The following COX6B2 variants were observed in gnomAD, a reference collection of about 807,000 sequenced individuals.
COX6B2 encodes the protein COX VIb-2.
COX6B2 carries 12 observed loss-of-function variants against 13.7 expected under a neutral mutation model. The observed-to-expected ratio is 0.87, with a 90% CI of 0.56 to 1.41. The LOEUF (loss-of-function observed/expected upper bound fraction) is 1.41. COX6B2 is among the 40% of genes most tolerant of loss of function. The pLI, the probability that COX6B2 is intolerant of heterozygous loss-of-function variation, is 0.00. For missense variants in COX6B2, 130 were observed against 118.3 expected, an observed-to-expected ratio of 1.10 and a Z score of -0.46; for synonymous variants, 56 against 46.6, an observed-to-expected ratio of 1.20 and a Z score of -0.82.
chr19:55,354,219 G>A (rs574294051), intron 2 of COX6B2, 191 bp downstream of exon 2: 7 of 635,246 alleles, frequency 1.1e-5, no homozygotes, highest in African/African-American at 5.7e-5. Flanking sequence ...ATCAGGCCTC[G>A]CCCCTACCAA....
rs377311280 is a variant in COX6B2, at chr19:55,351,167, C to T, written c.*115-367G>A. The stretch of plus-strand genomic sequence containing the variant: ...ACACACTGTGAAGAGGGGGGCCAGA[C>T]ACTGTTCTAACTGCTTTATATGTTT... On this transcript the variant is annotated intron_variant, in intron 4 of 4. Coordinates refer to ENST00000326529, the MANE Select transcript of COX6B2 (RefSeq NM_144613.5). Among the ~76,000 whole-genome samples, 7 of 152,354 alleles carry T rather than the reference C, an allele frequency of 4.6e-5. 1 individual carries two copies. Among genetic ancestry groups the T allele is most frequent in the African/African-American group, 1.7e-4 (7 of 41,584 alleles).
At position 55,352,336 on chromosome 19, in the gene COX6B2, A is replaced by G. The variant is rs56984226; in HGVS notation, c.*114+1271T>C. On this transcript the variant is annotated intron_variant, in intron 4 of 4. Transcript: ENST00000326529. The surrounding 1 kb of genome is among the most constrained non-coding windows in gnomAD (Gnocchi z 6.2). ...TCATCTAGGGTGTGTCCTGGGCAGCATGGAGGGCAGGTGATGGACAGGTCA... is the reference window on the plus strand; with the variant it reads ...TCATCTAGGGTGTGTCCTGGGCAGCGTGGAGGGCAGGTGATGGACAGGTCA... 0.022 allele frequency: 3,410 copies of G among 152,348 alleles called. 129 individuals are homozygous for G. Among genetic ancestry groups the G allele is most frequent in the African/African-American group, 0.076 (3,139 of 41,490 alleles). The allele number at this position is 152,348 out of a possible 1,614,324, so 9.4% of individuals were successfully genotyped here.
At position 55,352,773 on chromosome 19, in the gene COX6B2, C is replaced by G. The variant is rs927421085; in HGVS notation, c.*114+834G>C. 1 of 152,220 alleles carries G rather than the reference C, an allele frequency of 6.6e-6. No individual in the cohort carries two copies. Among genetic ancestry groups the G allele is most frequent in the East Asian group, 1.9e-4 (1 of 5,188 alleles). The allele number at this position is 152,220 out of a possible 1,614,324, so 9.4% of individuals were successfully genotyped here. A position where few individuals can be genotyped will look rare whatever the true frequency, so the allele number is the denominator to read the frequency against. ...CAAGACTTCAAAGGGCGTCTGGAAC[C>G]GGAATGCGGTTCCGTGTTACTGCCG... On this transcript the variant is annotated intron_variant, in intron 4 of 4. Coordinates refer to ENST00000326529, the MANE Select transcript of COX6B2 (RefSeq NM_144613.5). The surrounding 1 kb of genome is among the most constrained non-coding windows in gnomAD (Gnocchi z 6.2).
At position 55,354,434 on chromosome 19, in the gene COX6B2, G is replaced by A; in HGVS notation, c.88C>T (p.Arg30Cys). 6.2e-7 allele frequency: 1 copy of A among 1,613,930 alleles called. No homozygotes were observed. Among genetic ancestry groups the A allele is most frequent in the Non-Finnish European group, 8.5e-7 (1 of 1,179,936 alleles). ...CCCAGGAAGTTCTGGTAGCAGTTAC[G>A]GATCTGGTTCTGGCTGGGGAAGCGC... ...DPRFPSQNQI[R>C]NCYQNFLDYH... The change falls in exon 2 of 5, where the codon CGT becomes TGT. Residue 30 changes from arginine (R) to cysteine (C), a missense_variant. Arg to Cys is a radical substitution (Grantham distance 180). Transcript: ENST00000326529.
chr19:55,351,964 G>A (rs1354880404), intron 4 of COX6B2: 2 of 153,830 alleles, frequency 1.3e-5, no homozygotes, highest in African/African-American at 2.4e-5. Context: ...ATGATGGGAG[G>A]AGGAGGAAGG....
In COX6B2 at chr19:55,353,915, G is replaced by T; in HGVS notation, c.164C>A (p.Pro55His). The T allele has an allele frequency of 1.3e-6, 2 of 1,570,994 alleles. No homozygotes were observed. Residue 55 changes from proline to histidine, a missense_variant, in exon 3 of 5, where the codon CCC (proline) becomes CAC (histidine). Transcript: ENST00000326529. The part of the protein sequence containing the change: ...TRTRRGKSTQ[P>H]CEYYFRVYHS... Reference sequence around the variant, plus strand: ...GTACACGCGGAAATAGTACTCGCAGGGCTGCGTGCTCTTCCCGCGGCGGGT... The same window carrying T: ...GTACACGCGGAAATAGTACTCGCAGTGCTGCGTGCTCTTCCCGCGGCGGGT...
Position 55,354,640 on chromosome 19 carries a change from G to A in COX6B2, c.-19+10C>T. ...CCCCCGCCCCTGAACCCCACCCGTC[G>A]TGCCCTCACCAGCCTGACGTTGGCG... On this transcript the variant is annotated intron_variant, in intron 1 of 4. Transcript: ENST00000326529. The A allele has an allele frequency of 2.9e-6, 2 of 701,682 alleles. No individual in the cohort carries two copies. Among genetic ancestry groups the A allele is most frequent in the Non-Finnish European group, 4.8e-6 (2 of 416,248 alleles). 43.5% of individuals were successfully genotyped at this position (701,682 alleles called of 1,614,324 possible).
chr19:55,354,441 G>T lies in COX6B2; in HGVS notation c.81C>A (p.Asn27Lys). 6.2e-7 allele frequency: 1 copy of T among 1,613,988 alleles called. No individual in the cohort carries two copies. Among genetic ancestry groups the T allele is most frequent in the Non-Finnish European group, 8.5e-7 (1 of 1,179,960 alleles). Residue 27 changes from asparagine to lysine, a missense_variant, in exon 2 of 5, where the codon AAC becomes AAA. Physicochemically the swap from Asn to Lys is moderately conservative, Grantham distance 94. Transcript: ENST00000326529. The stretch of plus-strand genomic sequence containing the variant: ...AGTTCTGGTAGCAGTTACGGATCTG[G>T]TTCTGGCTGGGGAAGCGCGGGTCGA... ...PPFDPRFPSQ[N>K]QIRNCYQNFL...
In COX6B2 at chr19:55,352,317, A is replaced by G; in HGVS notation, c.*114+1290T>C. The G allele has an allele frequency of 6.6e-6, 1 of 152,352 alleles. No homozygotes were observed. Among genetic ancestry groups the G allele is most frequent in the African/African-American group, 2.4e-5 (1 of 41,510 alleles). The allele number at this position is 152,352 out of a possible 1,614,324, so 9.4% of individuals were successfully genotyped here. A position where few individuals can be genotyped will look rare whatever the true frequency, so the allele number is the denominator to read the frequency against. The stretch of plus-strand genomic sequence containing the variant: ...CGTCATCCTGGGGGATGGCTCATCT[A>G]GGGTGTGTCCTGGGCAGCATGGAGG... On this transcript the variant is annotated intron_variant, in intron 4 of 4. Coordinates refer to ENST00000326529, the MANE Select transcript of COX6B2 (RefSeq NM_144613.5). This position sits in a 1 kb window ranked among gnomAD's most constrained non-coding sequence, Gnocchi z 6.2.
At chr19:55,354,208 G>C in intron 2 of COX6B2, 1 of 632,386 alleles carries the variant, frequency 1.6e-6, no homozygotes, top group Non-Finnish European at 2.8e-6. Flanking sequence ...GCACCTTCCA[G>C]ATCAGGCCTC....
At chr19:55,353,503 G>A (rs2089683772) in intron 4 of COX6B2, 104 bp downstream of exon 4, 1 of 601,548 alleles carries the variant, frequency 1.7e-6, no homozygotes, top group Non-Finnish European at 2.9e-6. Flanking sequence ...GCCCCTTATC[G>A]GAAAAAGCAG....
rs369158105 is a variant in COX6B2, at chr19:55,354,555, G to T, written c.-18-16C>A. ...GAGGCAACTCCTGCGAGACGGGACG[G>T]GACGGGGACTCCGTGGGGCCGAGGG... On this transcript the variant is annotated splice_polypyrimidine_tract_variant and intron_variant, in intron 1 of 4. Transcript: ENST00000326529. 1.8e-5 allele frequency: 27 copies of T among 1,508,524 alleles called. No homozygotes were observed. Among genetic ancestry groups the T allele is most frequent in the Non-Finnish European group, 2.5e-5 (27 of 1,094,500 alleles). The allele number at this position is 1,508,524 out of a possible 1,614,324, so 93.4% of individuals were successfully genotyped here.
Position 55,353,709 on chromosome 19 carries a change from G to T in COX6B2, c.*12C>A, listed in dbSNP as rs767447246. 4.4e-6 allele frequency: 7 copies of T among 1,608,036 alleles called. No homozygotes were observed. Among genetic ancestry groups the T allele is most frequent in the Non-Finnish European group, 5.9e-6 (7 of 1,177,032 alleles). ...GATCACTGCATCTTCAGAGGAAGCCGCGCTGGGGCAGTCAGATTTTGCCGG... is the reference window on the plus strand; with the variant it reads ...GATCACTGCATCTTCAGAGGAAGCCTCGCTGGGGCAGTCAGATTTTGCCGG... On this transcript the variant is annotated 3_prime_UTR_variant, in exon 4 of 5. Coordinates refer to ENST00000326529, the MANE Select transcript of COX6B2 (RefSeq NM_144613.5).
intron 4 of COX6B2, among the ~76,000 whole-genome samples, chr19:55,351,044 G>C (rs1379988004): frequency 6.6e-6 from 1 of 152,162 alleles, no homozygotes; most frequent in African/African-American, 2.4e-5. Flanking sequence ...CTGTCTGTCC[G>C]GTCAATCAGT....
In COX6B2 at chr19:55,350,649, C is replaced by T. The variant is rs1446677238; in HGVS notation, c.*266G>A. 1 of 152,318 alleles carries T rather than the reference C, an allele frequency of 6.6e-6. No individual in the cohort carries two copies. The highest frequency in any genetic ancestry group is 1.5e-5 in the Non-Finnish European group (1 of 68,116). The allele number at this position is 152,318 out of a possible 1,614,324, so 9.4% of individuals were successfully genotyped here. On this transcript the variant is annotated 3_prime_UTR_variant, in exon 5 of 5. Coordinates refer to ENST00000326529, the MANE Select transcript of COX6B2 (RefSeq NM_144613.5). This position sits in a 1 kb window ranked among gnomAD's most constrained non-coding sequence, Gnocchi z 4.2. ...GGACCTGGGGGACATCCTGGTGGAG[C>T]AGGGGCCTGGGGTCATGAGTTCACC...
At chr19:55,353,447 G>A in intron 4 of COX6B2, 160 bp downstream of exon 4, 1 of 558,570 alleles carries the variant, frequency 1.8e-6, no homozygotes, top group Non-Finnish European at 3.2e-6. Context: ...CTGTCTTAGG[G>A]CCTTGACTGC....
Position 55,353,631 on chromosome 19 carries a change from G to C in COX6B2, c.*90C>G. Reference sequence around the variant, plus strand: ...CCATTATTCGTGGCTTAGACACTGGGAGGTAGGGGTGGATAACCGAGACCC... The same window carrying C: ...CCATTATTCGTGGCTTAGACACTGGCAGGTAGGGGTGGATAACCGAGACCC... On this transcript the variant is annotated 3_prime_UTR_variant, in exon 4 of 5. Transcript: ENST00000326529. The C allele has an allele frequency of 2.5e-6, 3 of 1,207,516 alleles. No homozygotes were observed. Among genetic ancestry groups the C allele is most frequent in the Non-Finnish European group, 2.4e-6 (2 of 840,718 alleles). 74.8% of individuals were successfully genotyped at this position (1,207,516 alleles called of 1,614,324 possible).
rs1242338333 is a variant in COX6B2, at chr19:55,354,292, C to T, written c.112+118G>A. ...TCGACCAGGCCCCGCCCCCACCAAC[C>T]CGGCCCCGCCCGGCCTCCCACCCTA... On this transcript the variant is annotated intron_variant, in intron 2 of 4. Coordinates refer to ENST00000326529, the MANE Select transcript of COX6B2 (RefSeq NM_144613.5). 5 of 952,716 alleles carry T rather than the reference C, an allele frequency of 5.2e-6. 1 individual carries two copies. Among genetic ancestry groups the T allele is most frequent in the East Asian group, 4.9e-5 (2 of 41,228 alleles). The allele number at this position is 952,716 out of a possible 1,614,324, so 59.0% of individuals were successfully genotyped here.
chr19:55,350,148 T>A lies in COX6B2; in HGVS notation c.*767A>T, dbSNP rs1203936584. ...GTCTCAAAAAAAATAAAAATAAAAA[T>A]AAAAATGGTGAGGGCGTTAGAAACT... On this transcript the variant is annotated 3_prime_UTR_variant, in exon 5 of 5. Transcript: ENST00000326529. This position sits in a 1 kb window ranked among gnomAD's most constrained non-coding sequence, Gnocchi z 4.2. The A allele has an allele frequency of 1.3e-5, 2 of 151,986 alleles. No homozygotes were observed. Among genetic ancestry groups the A allele is most frequent in the African/African-American group, 4.8e-5 (2 of 41,318 alleles). 9.4% of individuals were successfully genotyped at this position (151,986 alleles called of 1,614,324 possible). A position where few individuals can be genotyped will look rare whatever the true frequency, so the allele number is the denominator to read the frequency against.
Sources: gnomAD v4.1 joint callset for allele counts (sites outside exome capture counted in the v4.1 genomes callset) on GRCh38, gnomAD v4.1.1 for gene constraint, Gnocchi (gnomAD v3.1) non-coding constraint, MANE v1.5 for transcripts, NCBI Gene and HGNC (gene_info 2026-07-23, HGNC 2026-07-21) for gene names.